RBFOX2: variants seen among roughly 807,000 people sequenced by gnomAD.
RBFOX2 encodes RNA binding fox-1 homolog 2, also known as RNA binding protein fox-1 homolog 2.
Under a neutral mutation model 49.1 loss-of-function variants are expected in RBFOX2, and 10 were observed. The observed-to-expected ratio is 0.20, with a 90% CI of 0.13 to 0.35. RBFOX2 has a LOEUF of 0.35. Ranked by LOEUF, RBFOX2 falls within the 10% of genes least tolerant of loss-of-function variation. The probability of loss-of-function intolerance (pLI) is 1.00; values close to 1 mark genes in which losing one functional copy is unlikely to be tolerated. For missense variants in RBFOX2, 323 were observed against 486.9 expected (o/e 0.66, Z 3.17); for synonymous variants, 183 against 187.4 (o/e 0.98, Z 0.19).
chr22:35,807,021 C>A (rs1262850484), intron 2 of RBFOX2, among the ~76,000 whole-genome samples: 1 of 152,222 alleles, frequency 6.6e-6, no homozygotes, highest in East Asian at 1.9e-4. Flanking sequence ...TCAGGCTGGT[C>A]TGAAACTCCT....
intron 1 of RBFOX2, among the ~76,000 whole-genome samples, chr22:35,839,680 T>C (rs1464955419): frequency 6.6e-6 from 1 of 152,196 alleles, no homozygotes; most frequent in Non-Finnish European, 1.5e-5. Flanking sequence ...AAATGAAACA[T>C]TCTTTTCTAA....
chr22:35,968,139 T>TA (rs1362506727), intron 1 of RBFOX2, among the ~76,000 whole-genome samples: 6 of 152,264 alleles, frequency 3.9e-5, no homozygotes, highest in East Asian at 1.9e-4. Context: ...AAGCCAAACT[T>TA]AAAAAAGAGT....
chr22:35,911,837 C>T (rs2049872131), intron 1 of RBFOX2, among the ~76,000 whole-genome samples: 2 of 152,176 alleles, frequency 1.3e-5, no homozygotes, highest in Non-Finnish European at 2.9e-5. Context: ...CCCTTCCCCA[C>T]TCCATACTCT....
intron 1 of RBFOX2, among the ~76,000 whole-genome samples, chr22:35,985,902 GGATAGATAGATAGATA>G (rs3075246): frequency 0.069 from 9,961 of 144,018 alleles, 343 homozygotes; most frequent in South Asian, 0.084. Context: ...ATAGATAGAT[GGATAGATAGATAGATA>G]GATAGATAGA....
rs116945323 is a variant in RBFOX2 at position 35,749,096 on chromosome 22, G to T, written c.888-2535C>A. 0.013 allele frequency among the ~76,000 whole-genome samples: 2,026 copies of T among 152,296 alleles called. 20 individuals are homozygous for T. Among genetic ancestry groups the T allele is most frequent in the Non-Finnish European group, 0.021 (1,401 of 68,018 alleles). ...AACAATTCAAATGGATCAGACTATG[G>T]AAAAGAATCTTCCTTCCAATCCAGA... On this transcript the variant is annotated intron_variant, in intron 9 of 11. Transcript: ENST00000405409. This position sits in a 1 kb window ranked among gnomAD's most constrained non-coding sequence, Gnocchi z 4.1.
intron 6 of RBFOX2, among the ~76,000 whole-genome samples, chr22:35,762,704 C>G (rs1031039481): frequency 5.3e-5 from 8 of 151,920 alleles, no homozygotes; most frequent in Non-Finnish European, 1.0e-4. Context: ...GGGGTTTCAC[C>G]ATGTTGGCCA....
chr22:35,879,694 A>G (rs112046967), intron 1 of RBFOX2, among the ~76,000 whole-genome samples: 1 of 152,228 alleles, frequency 6.6e-6, no homozygotes, highest in Non-Finnish European at 1.5e-5. Context: ...AGCGAAACAC[A>G]TCAGTGGATT....
At chr22:35,804,291 A>C (rs543229613) in intron 2 of RBFOX2, among the ~76,000 whole-genome samples, 1 of 152,208 alleles carries the variant, frequency 6.6e-6, no homozygotes, top group East Asian at 1.9e-4. Flanking sequence ...GGAAAAGAAA[A>C]TTATGTGTAA....
chr22:35,840,623 C>CGTGTGCGTGTGTGTGTGTGTGT (rs61338307), upstream of RBFOX2: 1 of 1,067,246 alleles, frequency 9.4e-7, no homozygotes, highest in African/African-American at 1.9e-5. Flanking sequence ...CGCGTGTGTG[C>CGTGTGCGTGTGTGTGTGTGTGT]GTGTGTGCGT....
intron 1 of RBFOX2, among the ~76,000 whole-genome samples, chr22:35,867,548 C>T (rs773971186): frequency 2.0e-5 from 3 of 152,150 alleles, no homozygotes; most frequent in African/African-American, 7.2e-5. Flanking sequence ...CAGAAACCAC[C>T]TTGTAATAGC....
chr22:35,919,170 T>G (rs1010705748), intron 1 of RBFOX2, among the ~76,000 whole-genome samples: 1 of 152,188 alleles, frequency 6.6e-6, no homozygotes, highest in African/African-American at 2.4e-5. Flanking sequence ...GTATACAGAA[T>G]AGGCAAAATC....
chr22:35,973,244 C>T (rs2056975254), intron 1 of RBFOX2, among the ~76,000 whole-genome samples: 2 of 152,166 alleles, frequency 1.3e-5, no homozygotes, highest in African/African-American at 4.8e-5. Flanking sequence ...AGAGCTCTTT[C>T]TCTTATTTTC....
chr22:35,789,411 T>G (rs891879379), intron 2 of RBFOX2, among the ~76,000 whole-genome samples: 1 of 151,924 alleles, frequency 6.6e-6, no homozygotes, highest in Non-Finnish European at 1.5e-5. Flanking sequence ...GGCGTGGTGG[T>G]GCGCGCCTGT....
intron 4 of RBFOX2, among the ~76,000 whole-genome samples, chr22:35,775,798 G>C (rs1943727601): frequency 7.3e-6 from 1 of 136,536 alleles, no homozygotes; most frequent in South Asian, 2.2e-4. Context: ...TCAAGACTGT[G>C]CCAATGCAAC....
At chr22:35,986,936 T>TA (rs1230116420) in intron 1 of RBFOX2, among the ~76,000 whole-genome samples, 1 of 151,554 alleles carries the variant, frequency 6.6e-6, no homozygotes, top group African/African-American at 2.4e-5. Context: ...CACTGGAAAA[T>TA]AGAGTTTTGT....
At chr22:35,857,248 G>A (rs2042617546) in intron 1 of RBFOX2, among the ~76,000 whole-genome samples, 1 of 152,190 alleles carries the variant, frequency 6.6e-6, no homozygotes, top group Non-Finnish European at 1.5e-5. Context: ...TGTGAAAATG[G>A]CTCTGGTGGC....
At chr22:35,971,120 G>A (rs1036169555) in intron 1 of RBFOX2, among the ~76,000 whole-genome samples, 4 of 152,142 alleles carry the variant, frequency 2.6e-5, no homozygotes, top group African/African-American at 9.7e-5. Flanking sequence ...ATATACTGCA[G>A]TAGGTGGGAA....
Position 35,760,587 on chromosome 22 carries a change from A to G in RBFOX2, c.755-567T>C, listed in dbSNP as rs1347834077. ...TTTATTTAAAACATTTTAATCCACA[A>G]ATGTAAGGTGAGGGAAACAACTCCT... On this transcript the variant is annotated intron_variant, in intron 8 of 11. Coordinates refer to ENST00000405409, the Ensembl canonical transcript of RBFOX2. Among the ~76,000 whole-genome samples, 6 of 152,184 alleles carry G rather than the reference A, an allele frequency of 3.9e-5. No individual in the cohort carries two copies. In the East Asian group the frequency reaches 1.2e-3, roughly 29 times the overall value.
chr22:35,878,792 A>G (rs938302615), intron 1 of RBFOX2, among the ~76,000 whole-genome samples: 1 of 152,008 alleles, frequency 6.6e-6, no homozygotes, highest in Non-Finnish European at 1.5e-5. Context: ...GTGCAGAGGC[A>G]CGATCTCAGC....
Sources: allele counts gnomAD v4.1 joint callset (sites outside exome capture counted in the v4.1 genomes callset), GRCh38; gene constraint gnomAD v4.1.1; non-coding constraint Gnocchi (gnomAD v3.1); transcripts MANE v1.5; gene names NCBI Gene and HGNC (gene_info 2026-07-23, HGNC 2026-07-21).